Variants in METTL2A observed in about 807,000 individuals in gnomAD.
The protein encoded by METTL2A is tRNA N(3)-cytidine methyltransferase METTL2A.
METTL2A carries 45 observed loss-of-function variants against 49.4 expected under a neutral mutation model. The ratio of observed to expected loss-of-function variants is 0.91; its 90% confidence interval spans 0.72 to 1.17. METTL2A has a LOEUF of 1.17. Among genes scored for constraint, METTL2A ranks in the 50% most tolerant of loss-of-function variants. The pLI is 0.00. For synonymous variants in METTL2A, 118 were observed against 167.5 expected (o/e 0.70, Z 2.28); for missense variants, 361 against 462.2 (o/e 0.78, Z 2.01).
At chr17:62,425,981 A>G (rs1240904837) in intron 2 of METTL2A, among the ~76,000 whole-genome samples, 1 of 150,856 alleles carries the variant, frequency 6.6e-6, no homozygotes, top group Non-Finnish European at 1.5e-5. Context: ...AGCCTGGGTG[A>G]CAGAGCGAGA....
chr17:62,451,912 T>C lies in METTL2A; in HGVS notation c.*3183T>C, dbSNP rs61038776. 0.11 allele frequency among the ~76,000 whole-genome samples: 14,852 copies of C among 131,372 alleles called. 2,123 individuals carry two copies. The highest frequency in any genetic ancestry group is 0.45 in the East Asian group (2,037 of 4,576). 86.2% of individuals were successfully genotyped at this position (131,372 alleles called of 152,430 possible). A position where few individuals can be genotyped will look rare whatever the true frequency, so the allele number is the denominator to read the frequency against. On this transcript the variant is annotated 3_prime_UTR_variant, in exon 9 of 9. Coordinates refer to ENST00000311506, the MANE Select transcript of METTL2A (RefSeq NM_181725.4). The stretch of plus-strand genomic sequence containing the variant: ...TCTCAAAAAAAAAAAAAAAAAAAAT[T>C]AGCTGGGCATGGTGGTGGGCGCCTG...
intron 4 of METTL2A, among the ~76,000 whole-genome samples, chr17:62,431,968 C>T (rs1016425568): frequency 2.0e-5 from 3 of 152,144 alleles, no homozygotes; most frequent in African/African-American, 7.2e-5. Flanking sequence ...ATCTGCCTGC[C>T]TCGGCCTGCC....
chr17:62,449,093 C>A lies in METTL2A; in HGVS notation c.*364C>A. Reference sequence around the variant, plus strand: ...CAAGTTCTTTCTTTGAGATCTCAATCTGTCTTAGCATTTTGTAACTAATAA... The same window carrying A: ...CAAGTTCTTTCTTTGAGATCTCAATATGTCTTAGCATTTTGTAACTAATAA... On this transcript the variant is annotated 3_prime_UTR_variant, in exon 9 of 9. Coordinates refer to ENST00000311506, the MANE Select transcript of METTL2A (RefSeq NM_181725.4). 4.5e-6 allele frequency: 1 copy of A among 221,196 alleles called. No individual in the cohort carries two copies. The allele number at this position is 221,196 out of a possible 1,614,324, so 13.7% of individuals were successfully genotyped here. A position where few individuals can be genotyped will look rare whatever the true frequency, so the allele number is the denominator to read the frequency against.
intron 4 of METTL2A, among the ~76,000 whole-genome samples, chr17:62,429,162 A>T (rs1435940379): frequency 6.6e-6 from 1 of 152,224 alleles, no homozygotes; most frequent in African/African-American, 2.4e-5. Context: ...AATAGTTTTC[A>T]TACAACATAA....
intron 2 of METTL2A, among the ~76,000 whole-genome samples, chr17:62,425,620 C>T (rs983305012): frequency 2.9e-4 from 42 of 146,914 alleles, no homozygotes; most frequent in Middle Eastern, 3.5e-3. Context: ...CTCCTGACCT[C>T]GTGATCCGCC....
intron 4 of METTL2A, among the ~76,000 whole-genome samples, chr17:62,432,743 A>C (rs2070674514): frequency 6.6e-6 from 1 of 152,038 alleles, no homozygotes; most frequent in Non-Finnish European, 1.5e-5. Context: ...CGGAGCTTGC[A>C]GTGAGCGGAG....
In METTL2A at chr17:62,452,098, A is replaced by G. The variant is rs559841264; in HGVS notation, c.*3369A>G. ...AAAAATGTAAAAAATAAATAATTGT[A>G]TTGAATTTATTAGTTGTGTCTCAGT... On this transcript the variant is annotated 3_prime_UTR_variant, in exon 9 of 9. Transcript: ENST00000311506. 2.0e-5 allele frequency among the ~76,000 whole-genome samples: 3 copies of G among 152,300 alleles called. No homozygotes were observed. In the East Asian group the frequency reaches 5.8e-4, roughly 29 times the overall value.
intron 4 of METTL2A, among the ~76,000 whole-genome samples, chr17:62,431,654 A>G (rs2070666347): frequency 6.6e-6 from 1 of 152,036 alleles, no homozygotes; most frequent in African/African-American, 2.4e-5. Context: ...TTCTTTTTAT[A>G]TATAGCAGCT....
intron 5 of METTL2A, among the ~76,000 whole-genome samples, chr17:62,436,233 C>T (rs980850729): frequency 2.6e-5 from 4 of 152,086 alleles, no homozygotes; most frequent in African/African-American, 9.6e-5. Context: ...CAGAGTGAGA[C>T]TCCATCTCAA....
chr17:62,443,224 A>T (rs1272391805), intron 6 of METTL2A, among the ~76,000 whole-genome samples: 2 of 152,114 alleles, frequency 1.3e-5, no homozygotes, highest in African/African-American at 4.8e-5. Context: ...AAATAAAAAT[A>T]AAAAAATTTA....
At position 62,449,403 on chromosome 17, in the gene METTL2A, C is replaced by T. The variant is rs1271565553; in HGVS notation, c.*674C>T. ...GTGGTGTTCTTGTTAAGTAATTGAT[C>T]GTGGTCTTCGCTTTAATCTTAGTTC... On this transcript the variant is annotated 3_prime_UTR_variant, in exon 9 of 9. Coordinates refer to ENST00000311506, the MANE Select transcript of METTL2A (RefSeq NM_181725.4). 9 of 453,050 alleles carry T rather than the reference C, an allele frequency of 2.0e-5. No homozygotes were observed. The highest frequency in any genetic ancestry group is 8.0e-5 in the African/African-American group (4 of 49,812). The allele number at this position is 453,050 out of a possible 1,614,324, so 28.1% of individuals were successfully genotyped here.
intron 4 of METTL2A, among the ~76,000 whole-genome samples, chr17:62,428,286 T>C (rs1598030103): frequency 6.6e-6 from 1 of 152,228 alleles, no homozygotes; most frequent in Non-Finnish European, 1.5e-5. Flanking sequence ...AAAGCTAACA[T>C]ACATGAAGAT....
intron 4 of METTL2A, 150 bp downstream of exon 4, chr17:62,427,987 GC>G: frequency 9.5e-7 from 1 of 1,053,824 alleles, no homozygotes; most frequent in Non-Finnish European, 1.3e-6. Flanking sequence ...GGGCAATGTA[GC>G]AAGAAAAAAA....
At chr17:62,442,570 CA>C (rs201100787) in intron 6 of METTL2A, among the ~76,000 whole-genome samples, 5,120 of 152,198 alleles carry the variant, frequency 0.034, 301 homozygotes, top group African/African-American at 0.11. Flanking sequence ...TGAGCCACTG[CA>C]ACCTGACCAA....
intron 2 of METTL2A, among the ~76,000 whole-genome samples, chr17:62,425,440 G>A (rs1052480237): frequency 7.0e-6 from 1 of 142,930 alleles, no homozygotes; most frequent in Non-Finnish European, 1.5e-5. Context: ...AGGCTGGAGT[G>A]CAGTGGCACG....
chr17:62,446,632 C>T (rs1224084421), intron 7 of METTL2A, among the ~76,000 whole-genome samples: 1 of 152,042 alleles, frequency 6.6e-6, no homozygotes, highest in South Asian at 2.1e-4. Context: ...TTTTTAAGCA[C>T]CCAATTATTG....
intron 5 of METTL2A, among the ~76,000 whole-genome samples, chr17:62,436,429 G>A (rs189289843): frequency 2.0e-4 from 31 of 152,164 alleles, no homozygotes; most frequent in Non-Finnish European, 3.1e-4. Context: ...GTGGGCACCT[G>A]TAGTCCCAGC....
In METTL2A at chr17:62,448,901, C is replaced by T. The variant is rs1052473392; in HGVS notation, c.*172C>T. 4 of 838,042 alleles carry T rather than the reference C, an allele frequency of 4.8e-6. No individual in the cohort carries two copies. The African/African-American group carries it at 7.0e-5, about 15-fold the overall frequency. 51.9% of individuals were successfully genotyped at this position (838,042 alleles called of 1,614,324 possible). On this transcript the variant is annotated 3_prime_UTR_variant, in exon 9 of 9. Coordinates refer to ENST00000311506, the MANE Select transcript of METTL2A (RefSeq NM_181725.4). The stretch of plus-strand genomic sequence containing the variant: ...AACCTGGGCAAAATAGTGAGAGACC[C>T]TGTATCTGAAAGTAATAATAAAAAT...
intron 2 of METTL2A, among the ~76,000 whole-genome samples, chr17:62,425,794 A>C (rs946298100): frequency 6.8e-6 from 1 of 147,932 alleles, no homozygotes; most frequent in African/African-American, 2.5e-5. Context: ...AGGTCAGGAG[A>C]TCGAGACCAT....
Sources: allele counts gnomAD v4.1 joint callset (sites outside exome capture counted in the v4.1 genomes callset), GRCh38; gene constraint gnomAD v4.1.1; transcripts MANE v1.5; gene names NCBI Gene and HGNC (gene_info 2026-07-23, HGNC 2026-07-21).